GOLGA1: variants seen among roughly 807,000 people sequenced by gnomAD.
GOLGA1 encodes the protein golgin A1.
GOLGA1 carries 63 observed loss-of-function variants against 119.7 expected under a neutral mutation model. The ratio of observed to expected loss-of-function variants is 0.53; its 90% confidence interval spans 0.43 to 0.65. GOLGA1 has a LOEUF of 0.65. GOLGA1 is among the 30% of genes least tolerant of loss of function. The pLI is 0.00. For missense variants in GOLGA1, 798 were observed against 912.8 expected, an observed-to-expected ratio of 0.87 and a Z score of 1.62; for synonymous variants, 318 against 333.4, an observed-to-expected ratio of 0.95 and a Z score of 0.50.
chr9:124,883,453 TTTTA>T (rs1166274896), intron 19 of GOLGA1, among the ~76,000 whole-genome samples: 1 of 152,002 alleles, frequency 6.6e-6, no homozygotes, highest in African/African-American at 2.4e-5. Flanking sequence ...ACCCAGCTAA[TTTTA>T]TTTTTTTCAG....
chr9:124,904,172 A>C (rs990687945), intron 12 of GOLGA1, among the ~76,000 whole-genome samples: 16 of 152,210 alleles, frequency 1.1e-4, no homozygotes, highest in African/African-American at 3.9e-4. Context: ...AAGTCAAATA[A>C]GCCAGACACA....
At chr9:124,943,701 G>A (rs188414860), upstream of GOLGA1, 2 of 152,190 alleles carry the variant, frequency 1.3e-5, no homozygotes, top group East Asian at 3.9e-4. Flanking sequence ...TAGACAATAA[G>A]TTCAGCATTA....
intron 19 of GOLGA1, among the ~76,000 whole-genome samples, chr9:124,885,306 G>A (rs139590499): frequency 0.031 from 4,300 of 138,360 alleles, 225 homozygotes; most frequent in African/African-American, 0.11. Flanking sequence ...CCAGCCTGGC[G>A]ACAGAGACTC....
intron 3 of GOLGA1, among the ~76,000 whole-genome samples, chr9:124,935,756 C>CT (rs1215245910): frequency 4.3e-5 from 5 of 116,542 alleles, no homozygotes; most frequent in Admixed American, 9.6e-5. Context: ...CAGCAAGACT[C>CT]TGTCTCCAAA....
At chr9:124,922,183 G>A (rs938661883) in intron 8 of GOLGA1, among the ~76,000 whole-genome samples, 27 of 150,026 alleles carry the variant, frequency 1.8e-4, no homozygotes, top group African/African-American at 5.2e-4. Context: ...AGCCAAGATC[G>A]CGCCACTGCA....
intron 3 of GOLGA1, among the ~76,000 whole-genome samples, chr9:124,933,090 G>A (rs1830802725): frequency 6.6e-6 from 1 of 152,068 alleles, no homozygotes; most frequent in Non-Finnish European, 1.5e-5. Context: ...TCTCACTACT[G>A]TGCTAAGCAC....
At chr9:124,899,258 A>T in intron 14 of GOLGA1, 71 bp downstream of exon 14, 1 of 1,412,386 alleles carries the variant, frequency 7.1e-7, no homozygotes, top group Non-Finnish European at 9.5e-7. Flanking sequence ...CACACTGTCA[A>T]GCACGAGGCT....
intron 3 of GOLGA1, 96 bp from the exon 4 acceptor site, chr9:124,931,502 A>G: frequency 1.4e-6 from 1 of 711,782 alleles, no homozygotes; most frequent in Non-Finnish European, 2.6e-6. Flanking sequence ...GTTTGGTTAC[A>G]CTTTAATTAA....
intron 20 of GOLGA1, 116 bp from the exon 21 acceptor site, chr9:124,882,070 C>T (rs1829599182): frequency 1.4e-6 from 1 of 731,412 alleles, no homozygotes; most frequent in African/African-American, 1.8e-5. Context: ...AAAAGGGCCC[C>T]ACCTGGGAAG....
chr9:124,930,605 TCTG>T (rs1429174060), intron 4 of GOLGA1, among the ~76,000 whole-genome samples: 1 of 152,192 alleles, frequency 6.6e-6, no homozygotes, highest in Non-Finnish European at 1.5e-5. Flanking sequence ...TGAACTTCGG[TCTG>T]CTGTTTTACT....
At chr9:124,927,426 T>C (rs1830695590) in intron 6 of GOLGA1, among the ~76,000 whole-genome samples, 1 of 152,186 alleles carries the variant, frequency 6.6e-6, no homozygotes, top group Non-Finnish European at 1.5e-5. Context: ...GTAAATTGTA[T>C]TTTTTCTGGC....
At chr9:124,916,765 A>G (rs1245772551) in intron 10 of GOLGA1, among the ~76,000 whole-genome samples, 2 of 150,874 alleles carry the variant, frequency 1.3e-5, no homozygotes, top group Non-Finnish European at 2.9e-5. Context: ...AGTCCCAGAT[A>G]TATGGGAGGC....
rs779513168 is a variant in GOLGA1, at chr9:124,888,426, C to G, written c.1762-30G>C. The stretch of plus-strand genomic sequence containing the variant: ...AAGGTGGCAGCAGCAAATTGAGAGC[C>G]AGGACAGGTCAGGTGAAGCTGAGCC... On this transcript the variant is annotated intron_variant, in intron 18 of 22. Coordinates refer to ENST00000373555, the MANE Select transcript of GOLGA1 (RefSeq NM_002077.4). This position sits in a 1 kb window ranked among gnomAD's most constrained non-coding sequence, Gnocchi z 4.4. 3.7e-6 allele frequency: 6 copies of G among 1,609,576 alleles called. No homozygotes were observed. Among genetic ancestry groups the G allele is most frequent in the Non-Finnish European group, 5.1e-6 (6 of 1,176,300 alleles).
intron 10 of GOLGA1, among the ~76,000 whole-genome samples, chr9:124,915,554 A>G (rs1414805649): frequency 6.6e-6 from 1 of 152,046 alleles, no homozygotes; most frequent in African/African-American, 2.4e-5. Context: ...CCTTCATTAT[A>G]AATGTATTTA....
chr9:124,930,250 C>T (rs1245873756), intron 4 of GOLGA1, among the ~76,000 whole-genome samples: 1 of 152,164 alleles, frequency 6.6e-6, no homozygotes, highest in Non-Finnish European at 1.5e-5. Flanking sequence ...TATTTTATAA[C>T]TCTCTCTCCA....
chr9:124,914,828 G>T (rs748683843), intron 10 of GOLGA1, among the ~76,000 whole-genome samples: 8 of 152,170 alleles, frequency 5.3e-5, no homozygotes, highest in Non-Finnish European at 1.0e-4. Flanking sequence ...AATTCAAGAG[G>T]TATAGATGAC....
At position 124,912,009 on chromosome 9, in the gene GOLGA1, T is replaced by C. The variant is rs1254488003; in HGVS notation, c.861A>G (p.Gln287=). The C allele has an allele frequency of 2.5e-6, 4 of 1,613,478 alleles. No individual in the cohort carries two copies. The Admixed American group carries it at 6.7e-5, about 27-fold the overall frequency. Residue 287 remains glutamine (Q), a synonymous_variant, in exon 11 of 23, where the codon CAA becomes CAG. Coordinates refer to ENST00000373555, the MANE Select transcript of GOLGA1 (RefSeq NM_002077.4). ...IDLQKVTAET[Q]EKEDVITHLQ... is the part of the protein sequence containing the mutation. ...AATGTGTGATAACGTCTTCTTTCTCTTGAGTTTCAGCAGTGACCTGCAGGT... is the reference window on the plus strand; with the variant it reads ...AATGTGTGATAACGTCTTCTTTCTCCTGAGTTTCAGCAGTGACCTGCAGGT...
At chr9:124,919,160 G>A (rs1376379839) in intron 10 of GOLGA1, among the ~76,000 whole-genome samples, 1 of 152,046 alleles carries the variant, frequency 6.6e-6, no homozygotes, top group South Asian at 2.1e-4. Flanking sequence ...GGGAGGCTGA[G>A]GTGGAAGGAT....
intron 15 of GOLGA1, among the ~76,000 whole-genome samples, chr9:124,896,612 A>G (rs532692503): frequency 6.6e-6 from 1 of 152,252 alleles, no homozygotes; most frequent in Non-Finnish European, 1.5e-5. Flanking sequence ...AAATCCTTTT[A>G]AAACAAAACT....
Sources: gnomAD v4.1 joint callset for allele counts (sites outside exome capture counted in the v4.1 genomes callset) on GRCh38, gnomAD v4.1.1 for gene constraint, Gnocchi (gnomAD v3.1) non-coding constraint, MANE v1.5 for transcripts, NCBI Gene and HGNC (gene_info 2026-07-23, HGNC 2026-07-21) for gene names.